The following PIK3R1 variants were observed in gnomAD, a reference collection of about 807,000 sequenced individuals.
PIK3R1 encodes phosphoinositide-3-kinase regulatory subunit 1, also known as phosphatidylinositol 3-kinase regulatory subunit alpha.
Under a neutral mutation model 98.0 loss-of-function variants are expected in PIK3R1, and 29 were observed. The ratio of observed to expected loss-of-function variants is 0.30; its 90% CI spans 0.22 to 0.40. The LOEUF is 0.40. PIK3R1 is among the 10% of genes least tolerant of loss of function. The pLI, the probability that PIK3R1 is intolerant of heterozygous loss-of-function variation, is 1.00. For missense variants in PIK3R1, 596 were observed against 872.7 expected (o/e 0.68, Z 3.99); for synonymous variants, 282 against 311.8 (o/e 0.90, Z 1.01).
intron 5 of PIK3R1, 68 bp from the exon 6 acceptor site, chr5:68,280,460 G>A (rs1353339352): frequency 9.1e-7 from 1 of 1,097,698 alleles, no homozygotes; most frequent in Non-Finnish European, 1.3e-6. Context: ...TTTTCTAGGT[G>A]TTTATTCACT....
intron 4 of PIK3R1, among the ~76,000 whole-genome samples, chr5:68,278,841 G>A (rs1746693109): frequency 6.6e-6 from 1 of 152,128 alleles, no homozygotes; most frequent in South Asian, 2.1e-4. Flanking sequence ...TCAGGAGGCT[G>A]AGGCAGGAGA....
chr5:68,231,204 G>T (rs1348579898), intron 2 of PIK3R1, among the ~76,000 whole-genome samples: 1 of 152,220 alleles, frequency 6.6e-6, no homozygotes, highest in East Asian at 1.9e-4. Flanking sequence ...TCATGCTAAT[G>T]CAGAATATTT....
chr5:68,261,546 C>G (rs184527182), intron 2 of PIK3R1, among the ~76,000 whole-genome samples: 1 of 151,792 alleles, frequency 6.6e-6, no homozygotes, highest in South Asian at 2.1e-4. Flanking sequence ...ATTGAAAACC[C>G]CTTTCTAGTT....
intron 2 of PIK3R1, among the ~76,000 whole-genome samples, chr5:68,240,894 C>T (rs561843690): frequency 6.6e-6 from 1 of 152,286 alleles, no homozygotes; most frequent in East Asian, 1.9e-4. Flanking sequence ...TACAAAACCA[C>T]TGTCACTCTC....
At chr5:68,296,120 C>G in intron 14 of PIK3R1, 51 bp from the exon 15 acceptor site, 1 of 1,566,414 alleles carries the variant, frequency 6.4e-7, no homozygotes, top group Non-Finnish European at 8.8e-7. Flanking sequence ...GCAAGGCAGG[C>G]TGATGGCTCC....
chr5:68,292,249 T>G lies in PIK3R1; in HGVS notation c.917-10T>G, dbSNP rs762760662. 1.3e-6 allele frequency: 2 copies of G among 1,585,374 alleles called. No individual in the cohort carries two copies. Among genetic ancestry groups the G allele is most frequent in the Non-Finnish European group, 1.7e-6 (2 of 1,162,220 alleles). On this transcript the variant is annotated splice_polypyrimidine_tract_variant and intron_variant, in intron 7 of 15. Transcript: ENST00000521381. ...GGGATTGCGAACAACTTTTTCTTTT[T>G]CATCTGCAGCACTGCCTCCTAAACC...
chr5:68,279,667 C>T lies in PIK3R1; in HGVS notation c.568C>T (p.Leu190Phe), dbSNP rs752074681. The change falls in exon 5 of 16, where the codon CTC becomes TTC. Residue 190 changes from leucine (L) to phenylalanine (F), a missense_variant. By Grantham distance (22) the Leu-to-Phe change is conservative. Around this residue, in one of 3 missense-constraint regions of PIK3R1, gnomAD observed 352 missense variants for 393.3 expected, o/e 0.90. Transcript: ENST00000521381. ...TTTGGCTGACGCTTTCAAACGCTAT[C>T]TCCTGGACTTACCAAATCCTGTCAT... Reference protein sequence around the residue: ...HVLADAFKRYLLDLPNPVIPA... With the variant: ...HVLADAFKRYFLDLPNPVIPA... The T allele has an allele frequency of 6.2e-7, 1 of 1,614,000 alleles. No homozygotes were observed. The highest frequency in any genetic ancestry group is 1.1e-5 in the South Asian group (1 of 91,084).
intron 2 of PIK3R1, among the ~76,000 whole-genome samples, chr5:68,261,950 G>A (rs1485253040): frequency 2.0e-5 from 3 of 152,110 alleles, no homozygotes; most frequent in East Asian, 1.9e-4. Context: ...AGGTTATTAC[G>A]GTTGTTAAGG....
intron 7 of PIK3R1, chr5:68,288,661 TTGG>T (rs758275909): frequency 5.6e-6 from 9 of 1,606,110 alleles, no homozygotes; most frequent in Non-Finnish European, 6.8e-6. Flanking sequence ...CTTGGCCCAC[TTGG>T]TGGAAGAACA....
At chr5:68,273,735 C>G (rs1746457555) in intron 3 of PIK3R1, 1 of 598,276 alleles carries the variant, frequency 1.7e-6, no homozygotes, top group Admixed American at 2.9e-5. Flanking sequence ...ATATGATTAA[C>G]TTTCTTCTTA....
intron 15 of PIK3R1, 122 bp from the exon 16 acceptor site, chr5:68,297,284 CAGTTGT>C: frequency 1.4e-6 from 1 of 701,370 alleles, no homozygotes. Context: ...GGCCAGGTGT[CAGTTGT>C]AACCTAGGAC....
intron 2 of PIK3R1, among the ~76,000 whole-genome samples, chr5:68,246,382 G>A (rs1388897297): frequency 4.0e-5 from 6 of 150,542 alleles, no homozygotes; most frequent in East Asian, 1.9e-4. Flanking sequence ...GCGCGATCTC[G>A]GCTCGCTGCA....
chr5:68,278,280 A>T (rs1746665701), intron 4 of PIK3R1, among the ~76,000 whole-genome samples: 1 of 152,118 alleles, frequency 6.6e-6, no homozygotes, highest in African/African-American at 2.4e-5. Context: ...TCCACAGGTT[A>T]GATTAGTAAT....
chr5:68,239,821 A>T, intron 2 of PIK3R1: 1 of 500,956 alleles, frequency 2.0e-6, no homozygotes. Context: ...GAGTTAAACA[A>T]GCAGATTTTT....
chr5:68,239,031 G>A (rs560802607), intron 2 of PIK3R1, among the ~76,000 whole-genome samples: 1 of 151,938 alleles, frequency 6.6e-6, no homozygotes, highest in Non-Finnish European at 1.5e-5. Flanking sequence ...AGAAAAGATG[G>A]TGACTTAAGA....
At chr5:68,272,677 ACAC>A (rs528839384) in intron 2 of PIK3R1, among the ~76,000 whole-genome samples, 64 of 152,224 alleles carry the variant, frequency 4.2e-4, no homozygotes, top group Non-Finnish European at 8.1e-4. Context: ...GTTTACGAAA[ACAC>A]CACATTTTAA....
At chr5:68,261,373 G>A (rs550789551) in intron 2 of PIK3R1, among the ~76,000 whole-genome samples, 2 of 152,124 alleles carry the variant, frequency 1.3e-5, no homozygotes, top group South Asian at 4.2e-4. Context: ...CATGTTGTTG[G>A]CAGAAAAATC....
At chr5:68,251,039 A>C (rs985233208) in intron 2 of PIK3R1, among the ~76,000 whole-genome samples, 9 of 152,128 alleles carry the variant, frequency 5.9e-5, no homozygotes, top group Non-Finnish European at 8.8e-5. Context: ...CCCAAGGGAG[A>C]AGGAAAGGGA....
At chr5:68,278,814 C>T (rs1746689519) in intron 4 of PIK3R1, among the ~76,000 whole-genome samples, 1 of 152,100 alleles carries the variant, frequency 6.6e-6, no homozygotes, top group Admixed American at 6.5e-5. Context: ...GTGGTACACA[C>T]CTGTAATCCC....
Sources: allele counts gnomAD v4.1 joint callset (sites outside exome capture counted in the v4.1 genomes callset), GRCh38; gene constraint gnomAD v4.1.1; regional missense constraint gnomAD v4.1.1; transcripts MANE v1.5; gene names NCBI Gene and HGNC (gene_info 2026-07-23, HGNC 2026-07-21).